EYS: variants seen among roughly 807,000 people sequenced by gnomAD.
EYS encodes the protein EGF-like photoreceptor maintenance factor.
EYS carries 250 observed loss-of-function variants against 282.1 expected under a neutral mutation model. That is an observed-to-expected ratio of 0.89 (90% CI 0.80 to 0.98). The LOEUF (loss-of-function observed/expected upper bound fraction) is 0.98. Ranked by LOEUF, EYS falls within the 50% of genes least tolerant of loss-of-function variation. EYS has a pLI of 0.00. For missense variants in EYS, 4,016 were observed against 3,709.0 expected, an observed-to-expected ratio of 1.08 and a Z score of -2.15; for synonymous variants, 1,355 against 1,282.9, an observed-to-expected ratio of 1.06 and a Z score of -1.20.
chr6:63,743,414 C>T (rs995646815), intron 41 of EYS, among the ~76,000 whole-genome samples: 1 of 152,132 alleles, frequency 6.6e-6, no homozygotes, highest in Non-Finnish European at 1.5e-5. Context: ...TAAGTAATAT[C>T]TTCTGTTGTG....
chr6:64,295,397 A>G (rs1313021942), intron 30 of EYS, among the ~76,000 whole-genome samples: 2 of 110 alleles, frequency 0.018, no homozygotes, highest in African/African-American at 0.2. Context: ...AAGGAAGAAG[A>G]AGAGGAAGGA....
chr6:64,216,368 C>A (rs7762802), intron 31 of EYS, among the ~76,000 whole-genome samples: 53,125 of 152,078 alleles, frequency 0.35, 9,294 homozygotes, highest in East Asian at 0.54. Context: ...CTTTTATCCC[C>A]AAATCCTTTG....
chr6:65,000,346 G>T (rs1169157203), intron 13 of EYS, among the ~76,000 whole-genome samples: 2 of 152,118 alleles, frequency 1.3e-5, no homozygotes, highest in Non-Finnish European at 2.9e-5. Flanking sequence ...CTTAAAATAG[G>T]CCTTCTATGA....
chr6:63,980,418 T>C (rs1406802068), intron 35 of EYS, among the ~76,000 whole-genome samples: 1 of 151,894 alleles, frequency 6.6e-6, no homozygotes, highest in Non-Finnish European at 1.5e-5. Flanking sequence ...TAAAACTTTA[T>C]GCATACATGC....
intron 19 of EYS, among the ~76,000 whole-genome samples, chr6:64,874,107 C>A (rs1766673486): frequency 6.6e-6 from 1 of 152,040 alleles, no homozygotes; most frequent in South Asian, 2.1e-4. Flanking sequence ...TGAATAATGA[C>A]AGTGCAGAAA....
Position 65,487,728 on chromosome 6 carries a change from G to A in EYS, c.862+2866C>T, listed in dbSNP as rs547362833. Among the ~76,000 whole-genome samples, 320 of 152,158 alleles carry A rather than the reference G, an allele frequency of 2.1e-3. 2 individuals are homozygous for A. Among genetic ancestry groups the A allele is most frequent in the African/African-American group, 7.4e-3 (306 of 41,514 alleles). On this transcript the variant is annotated intron_variant, in intron 5 of 42. Transcript: ENST00000503581. Reference sequence around the variant, plus strand: ...AGGATTCTCTCTTTTTCTATTGATCGGAATAGTTTCAGAAGGAATGGTACC... The same window carrying A: ...AGGATTCTCTCTTTTTCTATTGATCAGAATAGTTTCAGAAGGAATGGTACC...
intron 22 of EYS, among the ~76,000 whole-genome samples, chr6:64,789,740 C>T (rs1774130372): frequency 6.6e-6 from 1 of 152,020 alleles, no homozygotes; most frequent in South Asian, 2.1e-4. Flanking sequence ...AAACTGCAAG[C>T]TCTTTAAAGA....
chr6:65,347,989 C>T (rs1012087401), intron 9 of EYS, among the ~76,000 whole-genome samples: 1 of 151,736 alleles, frequency 6.6e-6, no homozygotes, highest in Admixed American at 6.6e-5. Context: ...ATTTGTCTTT[C>T]TGCGCCTGGC....
chr6:65,164,752 G>A (rs1764932216), intron 12 of EYS, among the ~76,000 whole-genome samples: 1 of 151,226 alleles, frequency 6.6e-6, no homozygotes, highest in Admixed American at 6.6e-5. Context: ...TCGGAGTGCT[G>A]TGAAAAAGAG....
At chr6:65,009,552 C>T (rs780483698) in intron 13 of EYS, among the ~76,000 whole-genome samples, 13 of 152,150 alleles carry the variant, frequency 8.5e-5, no homozygotes, top group Non-Finnish European at 1.8e-4. Flanking sequence ...TCAAACCCAA[C>T]GTCTCAACTC....
chr6:65,380,065 A>G, intron 8 of EYS, among the ~76,000 whole-genome samples: 1 of 152,104 alleles, frequency 6.6e-6, no homozygotes. Context: ...TATAGATTCA[A>G]TGCTATTCCC....
intron 35 of EYS, among the ~76,000 whole-genome samples, chr6:63,883,632 T>G (rs1773189591): frequency 6.6e-6 from 1 of 152,248 alleles, no homozygotes; most frequent in Non-Finnish European, 1.5e-5. Context: ...CTGCCCTGTC[T>G]TCCTGTCCCG....
intron 12 of EYS, among the ~76,000 whole-genome samples, chr6:65,283,408 ATTAT>A (rs777911015): frequency 6.6e-6 from 1 of 152,000 alleles, no homozygotes; most frequent in African/African-American, 2.4e-5. Flanking sequence ...ACTTTTGATT[ATTAT>A]TTGTTAGCAT....
intron 1 of EYS, among the ~76,000 whole-genome samples, chr6:65,652,462 G>C (rs1258946454): frequency 1.3e-5 from 2 of 151,906 alleles, no homozygotes; most frequent in African/African-American, 4.8e-5. Context: ...AATGGTGGTG[G>C]CATTGGATGG....
intron 12 of EYS, among the ~76,000 whole-genome samples, chr6:65,165,835 C>CA (rs1364597330): frequency 6.6e-6 from 1 of 151,098 alleles, no homozygotes; most frequent in Middle Eastern, 3.2e-3. Flanking sequence ...AAGGAATAGA[C>CA]ACACACACAT....
At chr6:65,608,450 C>G (rs1252483168) in intron 2 of EYS, among the ~76,000 whole-genome samples, 2 of 151,950 alleles carry the variant, frequency 1.3e-5, no homozygotes, top group Non-Finnish European at 2.9e-5. Context: ...GGATGTTACA[C>G]TATTGTATAC....
chr6:64,755,541 C>G (rs1772908871), intron 22 of EYS, among the ~76,000 whole-genome samples: 1 of 147,104 alleles, frequency 6.8e-6, no homozygotes, highest in African/African-American at 2.6e-5. Flanking sequence ...CACACACACA[C>G]ACACGGAATA....
At chr6:64,961,144 T>C (rs1769901978) in intron 14 of EYS, among the ~76,000 whole-genome samples, 1 of 152,162 alleles carries the variant, frequency 6.6e-6, no homozygotes, top group Non-Finnish European at 1.5e-5. Context: ...AATAGAACAA[T>C]TGATATTTAT....
At chr6:64,516,922 A>G (rs1777578179) in intron 26 of EYS, among the ~76,000 whole-genome samples, 1 of 151,830 alleles carries the variant, frequency 6.6e-6, no homozygotes, top group Middle Eastern at 3.2e-3. Context: ...TACAAAACAT[A>G]TTATATAAAT....
Sources: allele counts gnomAD v4.1 joint callset (sites outside exome capture counted in the v4.1 genomes callset), GRCh38; gene constraint gnomAD v4.1.1; transcripts MANE v1.5; gene names NCBI Gene and HGNC (gene_info 2026-07-23, HGNC 2026-07-21).